Variants in ABHD2 observed in about 807,000 individuals in gnomAD.
ABHD2 encodes monoacylglycerol lipase ABHD2.
ABHD2 carries 20 observed loss-of-function variants against 48.1 expected under a neutral mutation model. The observed-to-expected ratio is 0.42, with a 90% CI of 0.29 to 0.60. ABHD2 has a LOEUF of 0.60. ABHD2 is among the 20% of genes least tolerant of loss of function. The pLI is 0.24. For missense variants in ABHD2, 405 were observed against 550.9 expected (o/e 0.74, Z 2.65); for synonymous variants, 209 against 214.2 (o/e 0.98, Z 0.21).
chr15:89,170,011 G>GC (rs2050895978), intron 5 of ABHD2, among the ~76,000 whole-genome samples: 1 of 138,234 alleles, frequency 7.2e-6, no homozygotes, highest in Admixed American at 7.6e-5. Context: ...GAGGGTGCCA[G>GC]CCCCACTGTT....
intron 5 of ABHD2, among the ~76,000 whole-genome samples, chr15:89,170,547 A>G (rs2050908803): frequency 6.6e-6 from 1 of 152,182 alleles, no homozygotes; most frequent in African/African-American, 2.4e-5. Context: ...CATATGCAGT[A>G]TAAAGTCCCC....
the ABHD2 span, among the ~76,000 whole-genome samples, chr15:89,073,590 C>CT: frequency 1.3e-5 from 2 of 152,200 alleles, no homozygotes; most frequent in Admixed American, 6.5e-5. Context: ...CTGTAGTTTT[C>CT]TTTTAAAAAG....
Position 89,088,781 on chromosome 15 carries a change from T to C in ABHD2, c.-107+218T>C, listed in dbSNP as rs1260813534. On this transcript the variant is annotated intron_variant, in intron 1 of 10. Transcript: ENST00000352732. The surrounding 1 kb of genome is among the most constrained non-coding windows in gnomAD (Gnocchi z 6.8). Reference sequence around the variant, plus strand: ...GATCGCGGCGGGGGATACGCCTTCCTGAGGCCCTTTGTCCCCTTCTGCCCG... The same window carrying C: ...GATCGCGGCGGGGGATACGCCTTCCCGAGGCCCTTTGTCCCCTTCTGCCCG... Among the ~76,000 whole-genome samples the C allele has an allele frequency of 1.3e-5, 2 of 152,206 alleles. No individual in the cohort carries two copies. Among genetic ancestry groups the C allele is most frequent in the African/African-American group, 4.8e-5 (2 of 41,474 alleles).
intron 5 of ABHD2, among the ~76,000 whole-genome samples, chr15:89,156,875 T>C (rs1596126892): frequency 6.6e-6 from 1 of 152,224 alleles, no homozygotes; most frequent in Non-Finnish European, 1.5e-5. Flanking sequence ...TGGGATGTTA[T>C]AAGCAAATAA....
chr15:89,134,071 C>T (rs1216025867), intron 3 of ABHD2, among the ~76,000 whole-genome samples: 2 of 152,130 alleles, frequency 1.3e-5, no homozygotes, highest in Admixed American at 6.5e-5. Context: ...ATCTCCTGAC[C>T]TCGTGATCCT....
At chr15:89,148,805 CAT>C (rs2050541113) in intron 3 of ABHD2, among the ~76,000 whole-genome samples, 1 of 152,234 alleles carries the variant, frequency 6.6e-6, no homozygotes. Flanking sequence ...CGAACTACCA[CAT>C]AGATAGAAAA....
chr15:89,183,384 A>AAAAATATATATAT (rs61602174), intron 6 of ABHD2: 10 of 46,252 alleles, frequency 2.2e-4, no homozygotes, highest in African/African-American at 4.9e-4. Flanking sequence ...AAAAAAAAAA[A>AAAAATATATATAT]ATATATATAT....
At chr15:89,086,848 T>A (rs758836648), upstream of ABHD2, among the ~76,000 whole-genome samples, 2 of 152,230 alleles carry the variant, frequency 1.3e-5, no homozygotes, top group Non-Finnish European at 2.9e-5. Flanking sequence ...ATGGGGTTCA[T>A]CACTAAGAGA....
Position 89,151,552 on chromosome 15 carries a change from T to G in ABHD2, c.195-125T>G. The G allele has an allele frequency of 9.9e-7, 1 of 1,010,234 alleles. No homozygotes were observed. The highest frequency in any genetic ancestry group is 1.5e-6 in the Non-Finnish European group (1 of 687,412). The allele number at this position is 1,010,234 out of a possible 1,614,324, so 62.6% of individuals were successfully genotyped here. A position where few individuals can be genotyped will look rare whatever the true frequency, so the allele number is the denominator to read the frequency against. On this transcript the variant is annotated intron_variant, in intron 3 of 10. Coordinates refer to ENST00000352732, the MANE Select transcript of ABHD2 (RefSeq NM_152924.5). The surrounding 1 kb of genome is among the most constrained non-coding windows in gnomAD (Gnocchi z 4.7). ...CGGATGTAACGTAATAAAAGCCTCA[T>G]GTTTATGCTTTGTGTGCAGAATTTC...
chr15:89,142,119 A>T (rs985468055), intron 3 of ABHD2, among the ~76,000 whole-genome samples: 6 of 152,096 alleles, frequency 3.9e-5, no homozygotes, highest in Non-Finnish European at 8.8e-5. Context: ...TGAAGTCTCA[A>T]CCCTGCTCTT....
At chr15:89,161,204 C>G (rs2050757245) in intron 5 of ABHD2, among the ~76,000 whole-genome samples, 1 of 151,988 alleles carries the variant, frequency 6.6e-6, no homozygotes, top group South Asian at 2.1e-4. Flanking sequence ...TCCTTGTTCC[C>G]TCATTAGTTT....
intron 4 of ABHD2, among the ~76,000 whole-genome samples, chr15:89,154,958 CTCAT>C (rs1343554488): frequency 1.3e-5 from 2 of 152,186 alleles, no homozygotes; most frequent in East Asian, 1.9e-4. Flanking sequence ...TTTTTATCTT[CTCAT>C]TCATTCATTC....
At position 89,175,857 on chromosome 15, in the gene ABHD2, C is replaced by T. The variant is rs781555313; in HGVS notation, c.584C>T (p.Thr195Ile). ...FGAMVNYIKK[T>I]YPLTQLVVVG... ...GCCATGGTGAACTACATCAAGAAGA[C>T]ATATCCCCTGACCCAGCTGGTCGTC... Residue 195 changes from threonine (T) to isoleucine (I), a missense_variant, in exon 6 of 11, where the codon ACA becomes ATA. Coordinates refer to ENST00000352732, the MANE Select transcript of ABHD2 (RefSeq NM_152924.5). The surrounding 1 kb of genome is among the most constrained non-coding windows in gnomAD (Gnocchi z 5.7). The T allele has an allele frequency of 8.1e-6, 13 of 1,614,122 alleles. No individual in the cohort carries two copies. The highest frequency in any genetic ancestry group is 1.1e-5 in the Non-Finnish European group (13 of 1,180,004).
intron 2 of ABHD2, among the ~76,000 whole-genome samples, chr15:89,115,963 C>G (rs555006596): frequency 2.4e-4 from 37 of 152,230 alleles, no homozygotes; most frequent in Non-Finnish European, 4.4e-4. Flanking sequence ...AAGTGCTACC[C>G]CTAGTCCTGC....
chr15:89,095,848 T>A (rs2150776374), intron 1 of ABHD2, among the ~76,000 whole-genome samples: 1 of 152,320 alleles, frequency 6.6e-6, no homozygotes, highest in East Asian at 1.9e-4. Flanking sequence ...TGAAAATGTT[T>A]TACAAGCCTG....
intron 5 of ABHD2, among the ~76,000 whole-genome samples, chr15:89,159,234 A>G (rs140343173): frequency 0.06 from 9,181 of 151,874 alleles, 982 homozygotes; most frequent in African/African-American, 0.21. Context: ...AAAATTAGCC[A>G]GGCATGGTGG....
At chr15:89,143,632 G>C (rs757526923) in intron 3 of ABHD2, among the ~76,000 whole-genome samples, 2 of 151,594 alleles carry the variant, frequency 1.3e-5, no homozygotes, top group African/African-American at 2.4e-5. Flanking sequence ...GCACCGAGCT[G>C]AGATTGCGCC....
In ABHD2 at chr15:89,146,368, G is replaced by A. The variant is rs905741929; in HGVS notation, c.195-5309G>A. ...CTCAAAGACGTACGTGTGTGTGTGT[G>A]TGTGTGTGTGTGTGTGTGTGTGTGT... On this transcript the variant is annotated intron_variant, in intron 3 of 10. Coordinates refer to ENST00000352732, the MANE Select transcript of ABHD2 (RefSeq NM_152924.5). This position sits in a 1 kb window ranked among gnomAD's most constrained non-coding sequence, Gnocchi z 4.2. 6.9e-6 allele frequency among the ~76,000 whole-genome samples: 1 copy of A among 144,018 alleles called. No homozygotes were observed. The highest frequency in any genetic ancestry group is 2.8e-5 in the African/African-American group (1 of 35,690). 94.5% of individuals were successfully genotyped at this position (144,018 alleles called of 152,430 possible).
chr15:89,093,883 A>G (rs962172127), intron 1 of ABHD2: 10 of 152,222 alleles, frequency 6.6e-5, no homozygotes, highest in Admixed American at 3.9e-4. Flanking sequence ...TGATTTAAAC[A>G]TGGTCTTATA....
Sources: allele counts gnomAD v4.1 joint callset (sites outside exome capture counted in the v4.1 genomes callset), GRCh38; gene constraint gnomAD v4.1.1; non-coding constraint Gnocchi (gnomAD v3.1); transcripts MANE v1.5; gene names NCBI Gene and HGNC (gene_info 2026-07-23, HGNC 2026-07-21).